SMARCB1: variants seen among roughly 807,000 people sequenced by gnomAD.
The protein encoded by SMARCB1 is SWI/SNF related BAF chromatin remodeling complex subunit B1, also known as SWI/SNF-related matrix-associated actin-dependent regulator of chromatin subfamily B member 1.
In SMARCB1, 5 loss-of-function variants were observed where a neutral mutation model predicts 49.0. That is an observed-to-expected ratio of 0.10 (90% confidence interval 0.05 to 0.21). The LOEUF (loss-of-function observed/expected upper bound fraction) is 0.21, where lower values mean the gene tolerates loss of function less well. Among genes scored for constraint, SMARCB1 ranks in the 10% least tolerant of loss-of-function variants. The probability of loss-of-function intolerance (pLI) is 1.00; values close to 1 mark genes in which losing one functional copy is unlikely to be tolerated. For missense variants in SMARCB1, 226 were observed against 509.2 expected, an observed-to-expected ratio of 0.44 and a Z score of 5.35; for synonymous variants, 201 against 200.1, an observed-to-expected ratio of 1.00 and a Z score of -0.04.
At position 23,829,557 on chromosome 22, in the gene SMARCB1, G is replaced by T. The variant is rs960307370; in HGVS notation, c.987-4015G>T. The stretch of plus-strand genomic sequence containing the variant: ...CTGATGGCACAGCATCAGGAATTAG[G>T]CTGGGGTATGTCAGGTACACGTTGG... On this transcript the variant is annotated intron_variant, in intron 7 of 8. Coordinates refer to ENST00000644036, the MANE Select transcript of SMARCB1 (RefSeq NM_003073.5). Among the ~76,000 whole-genome samples, 11 of 152,202 alleles carry T rather than the reference G, an allele frequency of 7.2e-5. 1 individual carries two copies. The highest frequency in any genetic ancestry group is 1.5e-4 in the Non-Finnish European group (10 of 68,034).
Position 23,833,306 on chromosome 22 carries a change from T to C in SMARCB1, c.987-266T>C, listed in dbSNP as rs113981007. Among the ~76,000 whole-genome samples, 7 of 152,248 alleles carry C rather than the reference T, an allele frequency of 4.6e-5. 1 individual carries two copies. The highest frequency in any genetic ancestry group is 1.7e-4 in the African/African-American group (7 of 41,548). ...CCACAGCCAGTGGCCCCTTCCTCCATCTCAGAGACAGAGAGACGCTGGGCA... is the reference window on the plus strand; with the variant it reads ...CCACAGCCAGTGGCCCCTTCCTCCACCTCAGAGACAGAGAGACGCTGGGCA... On this transcript the variant is annotated intron_variant, in intron 7 of 8. Transcript: ENST00000644036.
At position 23,793,470 on chromosome 22, in the gene SMARCB1, C is replaced by G. The variant is rs1015551300; in HGVS notation, c.233-89C>G. On this transcript the variant is annotated intron_variant, in intron 2 of 8. Transcript: ENST00000644036. ...CCTTGCTTTTCCCACCTCCCGCATG[C>G]GAGGACCTTGATGTGCTGCATCCAC... The G allele has an allele frequency of 2.2e-6, 3 of 1,389,454 alleles. No homozygotes were observed. The Admixed American group carries it at 5.0e-5, about 23-fold the overall frequency. The allele number at this position is 1,389,454 out of a possible 1,614,324, so 86.1% of individuals were successfully genotyped here. A position where few individuals can be genotyped will look rare whatever the true frequency, so the allele number is the denominator to read the frequency against.
intron 3 of SMARCB1, among the ~76,000 whole-genome samples, chr22:23,796,823 A>G (rs1181254075): frequency 6.6e-6 from 1 of 152,062 alleles, no homozygotes; most frequent in Non-Finnish European, 1.5e-5. Flanking sequence ...TCAAGTCTTT[A>G]GGGGTGGGGG....
Position 23,836,325 on chromosome 22 carries a change from G to A in SMARCB1, c.*2145G>A. ...CTGTCAGGGTGGCTGATGAGAGACA[G>A]GAGAGGCTAGATTGGCATCAGCCTG... On this transcript the variant is annotated 3_prime_UTR_variant, in exon 9 of 9. Transcript: ENST00000644036. 5 of 985,526 alleles carry A rather than the reference G, an allele frequency of 5.1e-6. No homozygotes were observed. The highest frequency in any genetic ancestry group is 6.0e-6 in the Non-Finnish European group (5 of 829,974). 61.0% of individuals were successfully genotyped at this position (985,526 alleles called of 1,614,324 possible).
rs1294214714 is a variant in SMARCB1, at chr22:23,834,263, G to A, written c.*83G>A. 1.5e-5 allele frequency: 22 copies of A among 1,439,760 alleles called. No homozygotes were observed. Among genetic ancestry groups the A allele is most frequent in the Middle Eastern group, 1.7e-4 (1 of 5,814 alleles). 89.2% of individuals were successfully genotyped at this position (1,439,760 alleles called of 1,614,324 possible). A position where few individuals can be genotyped will look rare whatever the true frequency, so the allele number is the denominator to read the frequency against. ...TCCATCTTCTGGCAAGGACAGAGGCGAGGGGACAGCCCAGCGCCATCCTGA... is the reference window on the plus strand; with the variant it reads ...TCCATCTTCTGGCAAGGACAGAGGCAAGGGGACAGCCCAGCGCCATCCTGA... On this transcript the variant is annotated 3_prime_UTR_variant, in exon 9 of 9. Transcript: ENST00000644036.
chr22:23,833,727 G>T (rs367801578), intron 8 of SMARCB1, 24 bp downstream of exon 8: 1 of 1,613,634 alleles, frequency 6.2e-7, no homozygotes, highest in East Asian at 2.2e-5. Context: ...TGTGGTCCTG[G>T]GCTCTGCCCA....
intron 4 of SMARCB1, 106 bp downstream of exon 4, chr22:23,801,187 C>A: frequency 6.7e-7 from 1 of 1,496,304 alleles, no homozygotes; most frequent in Non-Finnish European, 9.3e-7. Flanking sequence ...TGACCTTGTG[C>A]TCCCCACAAC....
chr22:23,808,904 G>A (rs980521476), intron 5 of SMARCB1, among the ~76,000 whole-genome samples: 1 of 151,370 alleles, frequency 6.6e-6, no homozygotes, highest in African/African-American at 2.4e-5. Context: ...CTCCATGTTG[G>A]TCAGGCTGGC....
At chr22:23,789,284 G>A (rs1601385533) in intron 1 of SMARCB1, among the ~76,000 whole-genome samples, 1 of 152,338 alleles carries the variant, frequency 6.6e-6, no homozygotes, top group East Asian at 1.9e-4. Context: ...GTTCAGAATG[G>A]TCCTCATTGG....
At chr22:23,800,837 C>T (rs539139792) in intron 3 of SMARCB1, 107 bp from the exon 4 acceptor site, 42 of 904,996 alleles carry the variant, frequency 4.6e-5, no homozygotes, top group Admixed American at 4.2e-4. Context: ...ATGGGAGCCT[C>T]GAGCCTGACA....
chr22:23,811,366 T>G (rs1929860256), intron 5 of SMARCB1, among the ~76,000 whole-genome samples: 1 of 152,142 alleles, frequency 6.6e-6, no homozygotes, highest in Admixed American at 6.5e-5. Context: ...CAAAACGATG[T>G]AAGATCAAAA....
At position 23,835,801 on chromosome 22, in the gene SMARCB1, G is replaced by A; in HGVS notation, c.*1621G>A. ...AACTGGGGGGATGGAAGGAACCTTG[G>A]CTGCCTCACCCCACAGGTCGGGCAG... is the stretch of plus-strand genomic sequence containing the variant. On this transcript the variant is annotated 3_prime_UTR_variant, in exon 9 of 9. Transcript: ENST00000644036. 1.0e-6 allele frequency: 1 copy of A among 985,502 alleles called. No individual in the cohort carries two copies. Among genetic ancestry groups the A allele is most frequent in the African/African-American group, 1.7e-5 (1 of 57,378 alleles). 61.0% of individuals were successfully genotyped at this position (985,502 alleles called of 1,614,324 possible). A position where few individuals can be genotyped will look rare whatever the true frequency, so the allele number is the denominator to read the frequency against.
chr22:23,837,185 C>G lies in SMARCB1; in HGVS notation c.*3005C>G, dbSNP rs780276958. The G allele has an allele frequency of 3.7e-6, 6 of 1,611,256 alleles. No homozygotes were observed. In the South Asian group the frequency reaches 4.4e-5, roughly 12 times the overall value. ...AGACAGCCACGGACTGTGGGGTCAC[C>G]CTCCACAGCCCAGAGTCCTAGACCA... is the stretch of plus-strand genomic sequence containing the variant. On this transcript the variant is annotated 3_prime_UTR_variant, in exon 9 of 9. Coordinates refer to ENST00000644036, the MANE Select transcript of SMARCB1 (RefSeq NM_003073.5).
At chr22:23,802,940 A>G (rs1929259990) in intron 4 of SMARCB1, 1 of 388,392 alleles carries the variant, frequency 2.6e-6, no homozygotes, top group Non-Finnish European at 4.9e-6. Context: ...GCCTTGCTAG[A>G]ATATTTCCTC....
At chr22:23,799,608 G>A (rs1482900510) in intron 3 of SMARCB1, among the ~76,000 whole-genome samples, 14 of 150,048 alleles carry the variant, frequency 9.3e-5, no homozygotes, top group African/African-American at 3.4e-4. Context: ...TGCCTCCTGG[G>A]TTCAAGTGAT....
chr22:23,805,075 A>G (rs1282976641), intron 5 of SMARCB1, among the ~76,000 whole-genome samples: 1 of 152,214 alleles, frequency 6.6e-6, no homozygotes, highest in Non-Finnish European at 1.5e-5. Flanking sequence ...CCAGGCGCTC[A>G]GCATGGTAGG....
Position 23,791,751 on chromosome 22 carries a change from C to T in SMARCB1, c.94-5C>T, listed in dbSNP as rs1238460787. The T allele has an allele frequency of 1.2e-6, 2 of 1,613,814 alleles. No homozygotes were observed. The highest frequency in any genetic ancestry group is 1.7e-6 in the Non-Finnish European group (2 of 1,179,834). On this transcript the variant is annotated splice_region_variant and splice_polypyrimidine_tract_variant and intron_variant, in intron 1 of 8. Transcript: ENST00000644036. ...TTATAATGAGCCTTCTTGCTTTACT[C>T]ATAGGTGGGAAACTACCTCCGTATG...
At chr22:23,806,487 A>C (rs548307131) in intron 5 of SMARCB1, among the ~76,000 whole-genome samples, 2 of 152,354 alleles carry the variant, frequency 1.3e-5, no homozygotes, top group East Asian at 3.9e-4. Flanking sequence ...GTTAGATGCC[A>C]TGCCAAAATT....
chr22:23,802,650 C>G (rs138779668), intron 4 of SMARCB1: 28 of 168,366 alleles, frequency 1.7e-4, no homozygotes, highest in Non-Finnish European at 3.1e-4. Flanking sequence ...GCAGCCCTCT[C>G]CATGCTCCCA....
Sources: gnomAD v4.1 joint callset for allele counts (sites outside exome capture counted in the v4.1 genomes callset) on GRCh38, gnomAD v4.1.1 for gene constraint, MANE v1.5 for transcripts, NCBI Gene and HGNC (gene_info 2026-07-23, HGNC 2026-07-21) for gene names.